The following GRM7 variants were observed in gnomAD, a reference collection of about 807,000 sequenced individuals.
The protein encoded by GRM7 is metabotropic glutamate receptor 7.
Under a neutral mutation model 84.5 loss-of-function variants are expected in GRM7, and 35 were observed. The ratio of observed to expected loss-of-function variants is 0.41; its 90% CI spans 0.32 to 0.55. The LOEUF is 0.55. Ranked by LOEUF, GRM7 falls within the 20% of genes least tolerant of loss-of-function variation. The pLI, the probability that GRM7 is intolerant of heterozygous loss-of-function variation, is 0.19. For missense variants in GRM7, 1,003 were observed against 1,194.6 expected (o/e 0.84, Z 2.36); for synonymous variants, 487 against 455.1 (o/e 1.07, Z -0.89).
At chr3:7,104,793 T>C (rs929816135) in intron 1 of GRM7, among the ~76,000 whole-genome samples, 4 of 151,832 alleles carry the variant, frequency 2.6e-5, no homozygotes, top group African/African-American at 7.2e-5. Context: ...AGAAAACTTC[T>C]CAGGCTCACA....
chr3:6,951,867 G>A (rs1233241753), intron 1 of GRM7, among the ~76,000 whole-genome samples: 2 of 152,170 alleles, frequency 1.3e-5, no homozygotes, highest in East Asian at 1.9e-4. Context: ...CATATATTTT[G>A]TAGCTCTGTT....
intron 1 of GRM7, among the ~76,000 whole-genome samples, chr3:6,890,722 G>C (rs1350063104): frequency 1.3e-5 from 2 of 152,148 alleles, no homozygotes; most frequent in Non-Finnish European, 2.9e-5. Context: ...ATTTGGGGTG[G>C]AGAGTTCTGT....
intron 7 of GRM7, among the ~76,000 whole-genome samples, chr3:7,573,810 T>C (rs1428379271): frequency 2.0e-5 from 3 of 152,224 alleles, no homozygotes; most frequent in Non-Finnish European, 4.4e-5. Context: ...AAAACTTCCA[T>C]TTCTTTCTAG....
At chr3:6,875,410 T>C (rs939869163) in intron 1 of GRM7, among the ~76,000 whole-genome samples, 17 of 152,122 alleles carry the variant, frequency 1.1e-4, no homozygotes. Flanking sequence ...TACTGTTCTC[T>C]TGGTAGAGAA....
chr3:7,308,290 T>C (rs1700267170), intron 4 of GRM7, among the ~76,000 whole-genome samples: 1 of 152,120 alleles, frequency 6.6e-6, no homozygotes. Flanking sequence ...GGGAGCCATC[T>C]GTGGCCATCT....
chr3:7,381,180 C>A (rs1694576092), intron 4 of GRM7, among the ~76,000 whole-genome samples: 1 of 151,490 alleles, frequency 6.6e-6, no homozygotes, highest in African/African-American at 2.4e-5. Flanking sequence ...TTTTGATGTT[C>A]AACTCTATTT....
intron 8 of GRM7, among the ~76,000 whole-genome samples, chr3:7,593,232 G>A (rs567670448): frequency 2.1e-4 from 32 of 152,278 alleles, no homozygotes; most frequent in Non-Finnish European, 4.4e-5. Context: ...GATGGTGAAA[G>A]AGTGGCCCCA....
intron 1 of GRM7, among the ~76,000 whole-genome samples, chr3:6,986,854 T>C (rs1694430488): frequency 6.6e-6 from 1 of 152,184 alleles, no homozygotes; most frequent in South Asian, 2.1e-4. Context: ...AGCTGCATGA[T>C]TGGAGGGATG....
chr3:7,541,446 T>A (rs1255570252), intron 7 of GRM7, among the ~76,000 whole-genome samples: 1 of 152,146 alleles, frequency 6.6e-6, no homozygotes, highest in African/African-American at 2.4e-5. Context: ...TTTTATTAGA[T>A]GTGAATTATG....
At chr3:6,915,573 A>G (rs915568279) in intron 1 of GRM7, among the ~76,000 whole-genome samples, 1 of 152,236 alleles carries the variant, frequency 6.6e-6, no homozygotes. Context: ...ATGCATACCA[A>G]TGAACCTGCA....
chr3:7,330,986 C>T (rs949689839), intron 4 of GRM7, among the ~76,000 whole-genome samples: 1 of 152,154 alleles, frequency 6.6e-6, no homozygotes, highest in Non-Finnish European at 1.5e-5. Flanking sequence ...ATCATCTCAC[C>T]CTGAGCCCCT....
chr3:7,203,116 T>C (rs1472127079), intron 2 of GRM7, among the ~76,000 whole-genome samples: 1 of 152,198 alleles, frequency 6.6e-6, no homozygotes, highest in African/African-American at 2.4e-5. Context: ...CATTGCTAAG[T>C]ATCATCACCC....
At position 7,000,416 on chromosome 3, in the gene GRM7, A is replaced by G. The variant is rs182446483; in HGVS notation, c.519+138509A>G. Among the ~76,000 whole-genome samples the G allele has an allele frequency of 2.0e-5, 3 of 152,186 alleles. No individual in the cohort carries two copies. In the East Asian group the frequency reaches 5.8e-4, roughly 29 times the overall value. On this transcript the variant is annotated intron_variant, in intron 1 of 9. Transcript: ENST00000357716. Reference sequence around the variant, plus strand: ...TGGCCAGGATGGTCTCGAACTCCTGACTTCAGGTGATCCACCTGCCTTGAC... The same window carrying G: ...TGGCCAGGATGGTCTCGAACTCCTGGCTTCAGGTGATCCACCTGCCTTGAC...
At chr3:6,943,466 T>C (rs1266951750) in intron 1 of GRM7, among the ~76,000 whole-genome samples, 1 of 152,068 alleles carries the variant, frequency 6.6e-6, no homozygotes, top group African/African-American at 2.4e-5. Flanking sequence ...TTGCCTTTGT[T>C]ACAAATCTGA....
At chr3:7,593,867 G>T (rs1282109217) in intron 8 of GRM7, among the ~76,000 whole-genome samples, 1 of 151,932 alleles carries the variant, frequency 6.6e-6, no homozygotes, top group African/African-American at 2.4e-5. Context: ...GGTCAGGGAG[G>T]CCAGATAGAA....
At chr3:7,033,030 A>T (rs575630299) in intron 1 of GRM7, among the ~76,000 whole-genome samples, 2 of 152,198 alleles carry the variant, frequency 1.3e-5, no homozygotes, top group Non-Finnish European at 2.9e-5. Context: ...GCATCAATAG[A>T]GATGGGTCCT....
At chr3:7,236,111 C>G (rs1204166862) in intron 2 of GRM7, among the ~76,000 whole-genome samples, 3 of 152,114 alleles carry the variant, frequency 2.0e-5, no homozygotes, top group Admixed American at 6.6e-5. Context: ...GCTCCCTCCT[C>G]AAGTCCTTTT....
At chr3:7,233,033 A>C (rs1697243681) in intron 2 of GRM7, among the ~76,000 whole-genome samples, 1 of 152,210 alleles carries the variant, frequency 6.6e-6, no homozygotes, top group African/African-American at 2.4e-5. Context: ...GAGTGGTATT[A>C]AAATAGTTCT....
chr3:7,583,252 G>C (rs1042030096), intron 8 of GRM7, among the ~76,000 whole-genome samples: 4 of 152,152 alleles, frequency 2.6e-5, no homozygotes, highest in African/African-American at 9.7e-5. Context: ...GCTCCCCAGC[G>C]GTATTTTTGT....
Sources: allele counts gnomAD v4.1 joint callset (sites outside exome capture counted in the v4.1 genomes callset), GRCh38; gene constraint gnomAD v4.1.1; transcripts MANE v1.5; gene names NCBI Gene and HGNC (gene_info 2026-07-23, HGNC 2026-07-21).